The following SAMD13 variants were observed in gnomAD, a reference collection of about 807,000 sequenced individuals.
SAMD13 encodes sterile alpha motif domain-containing protein 13.
Under a neutral mutation model 12.4 loss-of-function variants are expected in SAMD13, and 9 were observed. The ratio of observed to expected loss-of-function variants is 0.72; its 90% CI spans 0.44 to 1.26. The LOEUF (loss-of-function observed/expected upper bound fraction) is 1.26. Among genes scored for constraint, SAMD13 ranks in the 50% most tolerant of loss-of-function variants. The probability of loss-of-function intolerance (pLI) is 0.00; values close to 1 mark genes in which losing one functional copy is unlikely to be tolerated. For missense variants in SAMD13, 84 were observed against 119.6 expected (o/e 0.70, Z 1.39); for synonymous variants, 46 against 45.4 (o/e 1.01, Z -0.05).
At chr1:84,299,596 C>G, upstream of SAMD13, 2 of 1,516,564 alleles carry the variant, frequency 1.3e-6, no homozygotes, top group Non-Finnish European at 1.8e-6. Context: ...ACACACACAA[C>G]TTTTTATCAG....
chr1:84,350,492 A>G lies in SAMD13; in HGVS notation c.*718A>G, dbSNP rs1248896779. The G allele has an allele frequency of 2.0e-5, 3 of 152,636 alleles. No individual in the cohort carries two copies. The highest frequency in any genetic ancestry group is 2.9e-5 in the Non-Finnish European group (2 of 68,042). The allele number at this position is 152,636 out of a possible 1,614,324, so 9.5% of individuals were successfully genotyped here. Reference sequence around the variant, plus strand: ...AAATTGGTTCTTTGTTTCTGAAGAAAGAATTTTTTTTAACTTCATGGTTTT... The same window carrying G: ...AAATTGGTTCTTTGTTTCTGAAGAAGGAATTTTTTTTAACTTCATGGTTTT... On this transcript the variant is annotated 3_prime_UTR_variant, in exon 4 of 4. Coordinates refer to ENST00000394834, the MANE Select transcript of SAMD13 (RefSeq NM_001134663.2).
At chr1:84,318,738 A>G (rs993653836) in intron 2 of SAMD13, among the ~76,000 whole-genome samples, 4 of 152,118 alleles carry the variant, frequency 2.6e-5, no homozygotes, top group Non-Finnish European at 5.9e-5. Flanking sequence ...TTCTTACTGA[A>G]ACTAAAATTC....
At chr1:84,343,717 G>A (rs1409905246) in intron 3 of SAMD13, among the ~76,000 whole-genome samples, 5 of 152,148 alleles carry the variant, frequency 3.3e-5, no homozygotes, top group Admixed American at 3.3e-4. Context: ...GTGGGTTGGG[G>A]AGAAGGAGAG....
chr1:84,333,858 T>C (rs1679240744), intron 3 of SAMD13, among the ~76,000 whole-genome samples: 1 of 152,164 alleles, frequency 6.6e-6, no homozygotes, highest in Admixed American at 6.5e-5. Context: ...ATCACATATA[T>C]TGATCTGCAT....
rs116062563 is a variant in SAMD13 at position 84,322,465 on chromosome 1, G to A, written c.54-3172G>A. Among the ~76,000 whole-genome samples, 603 of 152,236 alleles carry A rather than the reference G, an allele frequency of 4.0e-3. 6 individuals carry two copies. Among genetic ancestry groups the A allele is most frequent in the African/African-American group, 0.014 (582 of 41,530 alleles). On this transcript the variant is annotated intron_variant, in intron 2 of 3. Coordinates refer to ENST00000394834, the MANE Select transcript of SAMD13 (RefSeq NM_001134663.2). The stretch of plus-strand genomic sequence containing the variant: ...AGGTGGGAGGCTGATACTGAGTAAC[G>A]TGTGAAAAACAGATTTTAAGTTGTA...
At chr1:84,330,029 C>T (rs1679141927) in intron 3 of SAMD13, among the ~76,000 whole-genome samples, 1 of 152,138 alleles carries the variant, frequency 6.6e-6, no homozygotes, top group Admixed American at 6.5e-5. Context: ...ACCTCTCTTT[C>T]CCACAGACAC....
chr1:84,299,536 G>A, upstream of SAMD13: 3 of 1,345,272 alleles, frequency 2.2e-6, no homozygotes, highest in South Asian at 1.7e-5. Context: ...CACACACAAA[G>A]TACACCACAT....
At chr1:84,341,950 A>G (rs559278530) in intron 3 of SAMD13, among the ~76,000 whole-genome samples, 10 of 152,324 alleles carry the variant, frequency 6.6e-5, no homozygotes, top group African/African-American at 2.4e-4. Flanking sequence ...AGATAGTCCA[A>G]GGTAGCTGGT....
At chr1:84,324,246 A>G (rs983141118) in intron 2 of SAMD13, among the ~76,000 whole-genome samples, 6 of 152,042 alleles carry the variant, frequency 3.9e-5, no homozygotes, top group African/African-American at 9.7e-5. Flanking sequence ...CCCCCTTTAC[A>G]TAGGACCATT....
chr1:84,338,531 G>T (rs568676086), intron 3 of SAMD13, among the ~76,000 whole-genome samples: 1 of 148,076 alleles, frequency 6.8e-6, no homozygotes, highest in Non-Finnish European at 1.5e-5. Flanking sequence ...TCTGCCTCCC[G>T]GGTTCAAGTG....
chr1:84,306,325 C>T (rs966870152), intron 2 of SAMD13, among the ~76,000 whole-genome samples: 2 of 151,618 alleles, frequency 1.3e-5, no homozygotes, highest in African/African-American at 2.4e-5. Context: ...TGTTATATGC[C>T]ACAACCTTGC....
At position 84,301,738 on chromosome 1, in the gene SAMD13, A is replaced by T. The variant is rs1678457848; in HGVS notation, c.-96A>T. On this transcript the variant is annotated 5_prime_UTR_variant, in exon 1 of 4. Coordinates refer to ENST00000394834, the MANE Select transcript of SAMD13 (RefSeq NM_001134663.2). ...GCCAGCCTACTTTGTGAAAGAAAAC[A>T]TTGGGGTTTCTTTGGCTGTTCTTGA... 1 of 985,282 alleles carries T rather than the reference A, an allele frequency of 1.0e-6. No homozygotes were observed. The highest frequency in any genetic ancestry group is 1.7e-5 in the African/African-American group (1 of 57,224). The allele number at this position is 985,282 out of a possible 1,614,324, so 61.0% of individuals were successfully genotyped here.
upstream of SAMD13, chr1:84,299,591 C>T (rs1678397205): frequency 5.3e-6 from 8 of 1,517,346 alleles, no homozygotes; most frequent in African/African-American, 1.4e-5. Flanking sequence ...ATACTACACA[C>T]ACAACTTTTT....
At chr1:84,345,011 A>G (rs1281153118) in intron 3 of SAMD13, 4 of 456,572 alleles carry the variant, frequency 8.8e-6, no homozygotes, top group African/African-American at 2.0e-5. Flanking sequence ...AAGCCAGGAG[A>G]TTCCACTCCT....
chr1:84,298,901 G>A (rs1678376598), upstream of SAMD13, among the ~76,000 whole-genome samples: 2 of 151,998 alleles, frequency 1.3e-5, no homozygotes, highest in Non-Finnish European at 2.9e-5. Context: ...TCCAAAGACC[G>A]GCTTCCCCGG....
At chr1:84,311,872 GA>G (rs1280373904) in intron 2 of SAMD13, among the ~76,000 whole-genome samples, 2 of 152,104 alleles carry the variant, frequency 1.3e-5, no homozygotes, top group Non-Finnish European at 2.9e-5. Flanking sequence ...ATTTCTTTAT[GA>G]ATTAGGAAGT....
At chr1:84,307,907 C>T (rs1003152385) in intron 2 of SAMD13, among the ~76,000 whole-genome samples, 2 of 152,180 alleles carry the variant, frequency 1.3e-5, no homozygotes, top group Admixed American at 6.6e-5. Context: ...TCCCTCTAAA[C>T]CTTCAAGGTT....
At chr1:84,311,753 C>G (rs1464831813) in intron 2 of SAMD13, among the ~76,000 whole-genome samples, 1 of 152,194 alleles carries the variant, frequency 6.6e-6, no homozygotes, top group Non-Finnish European at 1.5e-5. Flanking sequence ...AAGCACCATC[C>G]ATCTGGATAG....
rs146394532 is a variant in SAMD13 at position 84,350,643 on chromosome 1, C to CTT, written c.*871_*872dup. The CTT allele has an allele frequency of 0.034, 5,245 of 152,224 alleles. 114 individuals carry two copies. The highest frequency in any genetic ancestry group is 0.075 in the South Asian group (360 of 4,796). 9.4% of individuals were successfully genotyped at this position (152,224 alleles called of 1,614,324 possible). ...TGTAATTTTTTTTAATTGTCCTATG[C>CTT]TTTGTTCGGTTCCTGGGTTAAGTAC... is the stretch of plus-strand genomic sequence containing the variant. On this transcript the variant is annotated 3_prime_UTR_variant, in exon 4 of 4. Coordinates refer to ENST00000394834, the MANE Select transcript of SAMD13 (RefSeq NM_001134663.2).
Sources: gnomAD v4.1 joint callset for allele counts (sites outside exome capture counted in the v4.1 genomes callset) on GRCh38, gnomAD v4.1.1 for gene constraint, MANE v1.5 for transcripts, NCBI Gene and HGNC (gene_info 2026-07-23, HGNC 2026-07-21) for gene names.